MASP1: variants seen among roughly 807,000 people sequenced by gnomAD.
MASP1 encodes the protein MBL associated serine protease 1, also known as mannan-binding lectin serine protease 1.
Under a neutral mutation model 77.1 loss-of-function variants are expected in MASP1, and 59 were observed. That is an observed-to-expected ratio of 0.77 (90% CI 0.62 to 0.95). MASP1 has a LOEUF of 0.95. Among genes scored for constraint, MASP1 ranks in the 40% least tolerant of loss-of-function variants. The probability of loss-of-function intolerance (pLI) is 0.00; values close to 1 mark genes in which losing one functional copy is unlikely to be tolerated. For missense variants in MASP1, 885 were observed against 912.9 expected (o/e 0.97, Z 0.39); for synonymous variants, 362 against 354.5 (o/e 1.02, Z -0.24).
chr3:187,253,044 G>A, intron 6 of MASP1, 124 bp downstream of exon 6: 2 of 1,290,668 alleles, frequency 1.5e-6, no homozygotes, highest in Admixed American at 1.8e-5. Flanking sequence ...GTCCCCAGCT[G>A]CTCAACTGGG....
chr3:187,246,306 T>A, intron 8 of MASP1: 1 of 859,178 alleles, frequency 1.2e-6, no homozygotes, highest in Non-Finnish European at 1.4e-6. Flanking sequence ...CAAATCTTCC[T>A]CTTAAATTCT....
At chr3:187,265,046 A>C (rs1405002770) in intron 2 of MASP1, among the ~76,000 whole-genome samples, 5 of 152,268 alleles carry the variant, frequency 3.3e-5, no homozygotes, top group African/African-American at 9.6e-5. Context: ...GCTGAGCTCT[A>C]GATTCCTTTC....
chr3:187,278,016 T>C (rs1717099863), intron 2 of MASP1, among the ~76,000 whole-genome samples: 1 of 152,204 alleles, frequency 6.6e-6, no homozygotes, highest in Non-Finnish European at 1.5e-5. Context: ...AGACACTTTA[T>C]TACTCATACC....
At chr3:187,238,655 C>G (rs1202449455) in intron 10 of MASP1, among the ~76,000 whole-genome samples, 1 of 152,162 alleles carries the variant, frequency 6.6e-6, no homozygotes, top group Non-Finnish European at 1.5e-5. Flanking sequence ...TGGCATAAAA[C>G]ATGATCATGG....
At chr3:187,284,098 C>T (rs540033936) in intron 2 of MASP1, among the ~76,000 whole-genome samples, 7 of 152,274 alleles carry the variant, frequency 4.6e-5, no homozygotes, top group East Asian at 1.9e-4. Flanking sequence ...ATTACCAATC[C>T]GCGTTGTCTC....
rs779235235 is a variant in MASP1 at position 187,243,581 on chromosome 3, C to T, written c.1131G>A (p.Leu377=). 3.7e-6 allele frequency: 6 copies of T among 1,614,172 alleles called. No homozygotes were observed. Among genetic ancestry groups the T allele is most frequent in the Admixed American group, 1.7e-5 (1 of 60,018 alleles). ...CRAPGELEHG[L]ITFSTRNNLT... ...GGTTGTTCCTTGTAGAGAAGGTGAT[C>T]AGCCCGTGTTCCAGCTCTCCTGGGG... The change falls in exon 9 of 11, where the codon CTG becomes CTA. Residue 377 remains leucine, a synonymous_variant. Coordinates refer to ENST00000296280, the MANE Select transcript of MASP1 (RefSeq NM_139125.4).
At chr3:187,284,044 G>T (rs558454471) in intron 2 of MASP1, among the ~76,000 whole-genome samples, 108 of 152,274 alleles carry the variant, frequency 7.1e-4, no homozygotes, top group Non-Finnish European at 1.3e-3. Flanking sequence ...GTGACCCTGA[G>T]AAATTTGTTC....
At chr3:187,266,117 T>C (rs1458112240) in intron 2 of MASP1, among the ~76,000 whole-genome samples, 1 of 152,160 alleles carries the variant, frequency 6.6e-6, no homozygotes, top group East Asian at 1.9e-4. Flanking sequence ...TGGAGACCCA[T>C]GTGGCTGCGA....
chr3:187,285,456 C>T (rs1717771174), intron 2 of MASP1, among the ~76,000 whole-genome samples: 1 of 151,982 alleles, frequency 6.6e-6, no homozygotes, highest in Non-Finnish European at 1.5e-5. Context: ...CAACTTTGGA[C>T]ATAATTATGG....
At chr3:187,225,549 A>G in intron 12 of MASP1, 1 of 1,604,226 alleles carries the variant, frequency 6.2e-7, no homozygotes, top group Non-Finnish European at 8.5e-7. Context: ...GGTGCAATGG[A>G]GGATAAGGTC....
chr3:187,232,727 T>C (rs1432318711), downstream of MASP1, among the ~76,000 whole-genome samples: 2 of 152,104 alleles, frequency 1.3e-5, no homozygotes, highest in Non-Finnish European at 2.9e-5. Context: ...CCTCAGTACC[T>C]CAATACCTCA....
chr3:187,222,586 A>G (rs779561743), intron 14 of MASP1, among the ~76,000 whole-genome samples: 5 of 152,086 alleles, frequency 3.3e-5, no homozygotes, highest in African/African-American at 4.8e-5. Flanking sequence ...ATAGTATCTT[A>G]TGGTCTAGAG....
At chr3:187,251,899 A>G in intron 6 of MASP1, 147 bp from the exon 7 acceptor site, 1 of 713,262 alleles carries the variant, frequency 1.4e-6, no homozygotes, top group South Asian at 1.5e-5. Context: ...CCTGCAAGAG[A>G]CTAATTCTGG....
At chr3:187,241,981 C>A in intron 9 of MASP1, 1 of 194,892 alleles carries the variant, frequency 5.1e-6, no homozygotes, top group Non-Finnish European at 1.1e-5. Context: ...CTGGGGAATC[C>A]CACTCCTGCC....
At chr3:187,251,504 T>C in intron 7 of MASP1, 130 bp downstream of exon 7, 1 of 787,188 alleles carries the variant, frequency 1.3e-6, no homozygotes, top group Non-Finnish European at 2.2e-6. Flanking sequence ...ATTTGAGAAG[T>C]TGATGGGCAG....
At chr3:187,260,991 A>G (rs919871680) in intron 3 of MASP1, 119 bp from the exon 4 acceptor site, 1 of 1,164,994 alleles carries the variant, frequency 8.6e-7, no homozygotes, top group Non-Finnish European at 1.3e-6. Flanking sequence ...GCGTTCTCTC[A>G]TTTAATCCTC....
chr3:187,231,095 G>A (rs147560818), downstream of MASP1, among the ~76,000 whole-genome samples: 3 of 152,276 alleles, frequency 2.0e-5, no homozygotes, highest in Middle Eastern at 3.4e-3. Flanking sequence ...CCCAACAGAC[G>A]CTCAGAGCCC....
chr3:187,260,945 C>T, intron 3 of MASP1, 73 bp from the exon 4 acceptor site: 3 of 1,549,892 alleles, frequency 1.9e-6, no homozygotes, highest in Non-Finnish European at 2.7e-6. Context: ...TTATAGAGCA[C>T]TTGATATGGG....
rs149901979 is a variant in MASP1 at position 187,235,998 on chromosome 3, C to T, written c.1873G>A (p.Val625Met). 5 of 1,614,222 alleles carry T rather than the reference C, an allele frequency of 3.1e-6. No homozygotes were observed. Among genetic ancestry groups the T allele is most frequent in the Non-Finnish European group, 4.2e-6 (5 of 1,180,052 alleles). The change falls in exon 11 of 11, where the codon GTG (valine) becomes ATG (methionine). Residue 625 changes from valine to methionine, a missense_variant. Physicochemically the swap from Val to Met is conservative, Grantham distance 21. Transcript: ENST00000296280. ...DVLQYVKLPV[V>M]PHAECKTSYE... is the part of the protein sequence containing the mutation. Reference sequence around the variant, plus strand: ...CTAGTTTTGCACTCAGCGTGAGGCACCACGGGTAACTTGACATACTGCAGG... The same window carrying T: ...CTAGTTTTGCACTCAGCGTGAGGCATCACGGGTAACTTGACATACTGCAGG...
Sources: gnomAD v4.1 joint callset for allele counts (sites outside exome capture counted in the v4.1 genomes callset) on GRCh38, gnomAD v4.1.1 for gene constraint, MANE v1.5 for transcripts, NCBI Gene and HGNC (gene_info 2026-07-23, HGNC 2026-07-21) for gene names.